The following GLI3 variants were observed in gnomAD, a reference collection of about 807,000 sequenced individuals.
GLI3 encodes transcription activator GLI3.
A neutral mutation model predicts 100.8 loss-of-function variants in GLI3; 20 were observed. The ratio of observed to expected loss-of-function variants is 0.20; its 90% confidence interval spans 0.14 to 0.29. The LOEUF (loss-of-function observed/expected upper bound fraction) is 0.29. Among genes scored for constraint, GLI3 ranks in the 10% least tolerant of loss-of-function variants. The pLI, the probability that GLI3 is intolerant of heterozygous loss-of-function variation, is 1.00. For missense variants in GLI3, 2,040 were observed against 2,128.5 expected (o/e 0.96, Z 0.82); for synonymous variants, 938 against 860.5 (o/e 1.09, Z -1.58).
At chr7:42,262,232 C>A (rs138796304) in intron 1 of GLI3, among the ~76,000 whole-genome samples, 12 of 137,810 alleles carry the variant, frequency 8.7e-5, no homozygotes, top group African/African-American at 1.2e-4. Context: ...TTCTTTCCTT[C>A]CTTCCTTCCT....
chr7:42,258,598 C>T (rs1384682939), intron 1 of GLI3, among the ~76,000 whole-genome samples: 1 of 152,172 alleles, frequency 6.6e-6, no homozygotes, highest in Non-Finnish European at 1.5e-5. Flanking sequence ...GCCTAAGTGG[C>T]TTATACAGAA....
chr7:42,105,973 A>G (rs1785565317), intron 3 of GLI3, among the ~76,000 whole-genome samples: 2 of 152,206 alleles, frequency 1.3e-5, no homozygotes, highest in African/African-American at 4.8e-5. Flanking sequence ...ACATACCTCA[A>G]TGATGAACCT....
At chr7:42,115,264 G>A (rs559149076) in intron 3 of GLI3, among the ~76,000 whole-genome samples, 5 of 149,880 alleles carry the variant, frequency 3.3e-5, no homozygotes, top group Non-Finnish European at 7.4e-5. Context: ...TCAGCCTCCT[G>A]AGTAGCTGGG....
At chr7:42,156,585 A>T (rs1787009392) in intron 2 of GLI3, among the ~76,000 whole-genome samples, 1 of 152,204 alleles carries the variant, frequency 6.6e-6, no homozygotes, top group African/African-American at 2.4e-5. Context: ...CACGGCCAAC[A>T]GTTAAGCAGA....
At chr7:42,262,468 C>T (rs1445903670) in intron 1 of GLI3, among the ~76,000 whole-genome samples, 3 of 152,006 alleles carry the variant, frequency 2.0e-5, no homozygotes, top group Non-Finnish European at 2.9e-5. Flanking sequence ...CCATGTTGCC[C>T]AGGCTTGTCT....
At chr7:42,152,750 A>G (rs1399183973) in intron 2 of GLI3, among the ~76,000 whole-genome samples, 1 of 152,238 alleles carries the variant, frequency 6.6e-6, no homozygotes, top group Non-Finnish European at 1.5e-5. Context: ...AGCTTCAATT[A>G]CAAGACAAAC....
intron 10 of GLI3, among the ~76,000 whole-genome samples, chr7:42,015,462 C>T (rs562254274): frequency 3.3e-5 from 5 of 151,972 alleles, no homozygotes; most frequent in African/African-American, 1.2e-4. Context: ...CCTAAATATC[C>T]CCAAATCTTA....
intron 3 of GLI3, among the ~76,000 whole-genome samples, chr7:42,082,970 C>T (rs1223969868): frequency 6.6e-6 from 1 of 152,156 alleles, no homozygotes; most frequent in African/African-American, 2.4e-5. Context: ...TTGACACAGG[C>T]ATGCAACACA....
intron 3 of GLI3, among the ~76,000 whole-genome samples, chr7:42,119,773 T>G (rs1785950279): frequency 6.6e-6 from 1 of 152,212 alleles, no homozygotes; most frequent in Admixed American, 6.5e-5. Flanking sequence ...CATTCCACAG[T>G]GACACAGGGG....
intron 1 of GLI3, among the ~76,000 whole-genome samples, chr7:42,263,102 C>T (rs572412697): frequency 3.9e-5 from 6 of 152,320 alleles, no homozygotes; most frequent in South Asian, 4.1e-4. Context: ...TGGTGACCCA[C>T]GGCAAAGGCA....
chr7:42,048,380 T>C, intron 5 of GLI3, 111 bp downstream of exon 5: 1 of 809,246 alleles, frequency 1.2e-6, no homozygotes, highest in Non-Finnish European at 2.2e-6. Context: ...GCACAGCGCC[T>C]GGCACATGGG....
chr7:42,177,990 C>T (rs1187595996), intron 2 of GLI3, among the ~76,000 whole-genome samples: 2 of 152,170 alleles, frequency 1.3e-5, no homozygotes, highest in African/African-American at 2.4e-5. Flanking sequence ...AATGGCTTCG[C>T]CTTCATGGAT....
chr7:42,247,045 G>A (rs1192962936), intron 1 of GLI3, among the ~76,000 whole-genome samples: 1 of 152,056 alleles, frequency 6.6e-6, no homozygotes, highest in East Asian at 1.9e-4. Flanking sequence ...TCAAAGTTTA[G>A]AGATAGATGC....
intron 3 of GLI3, among the ~76,000 whole-genome samples, chr7:42,109,242 A>G (rs1785646629): frequency 6.6e-6 from 1 of 152,218 alleles, no homozygotes; most frequent in Non-Finnish European, 1.5e-5. Context: ...GTTAACTGCC[A>G]GCATCCATGA....
At chr7:42,140,140 A>G (rs982613136) in intron 3 of GLI3, among the ~76,000 whole-genome samples, 14 of 152,142 alleles carry the variant, frequency 9.2e-5, no homozygotes, top group Admixed American at 6.5e-5. Flanking sequence ...CCTCTTTCAG[A>G]TATCACCTCC....
intron 10 of GLI3, among the ~76,000 whole-genome samples, chr7:42,009,442 C>T (rs1173077938): frequency 1.3e-5 from 2 of 150,374 alleles, no homozygotes; most frequent in Admixed American, 6.6e-5. Flanking sequence ...AAGTACAGAA[C>T]GATAGTCACC....
chr7:42,065,621 T>A (rs1784658687), intron 4 of GLI3, among the ~76,000 whole-genome samples: 1 of 152,198 alleles, frequency 6.6e-6, no homozygotes, highest in African/African-American at 2.4e-5. Flanking sequence ...GATACTCGAA[T>A]AATTTTGTTT....
In GLI3 at chr7:41,968,071, G is replaced by A. The variant is rs919062857; in HGVS notation, c.2104-148C>T. 2.4e-5 allele frequency: 18 copies of A among 747,686 alleles called. No individual in the cohort carries two copies. In the Admixed American group the frequency reaches 3.5e-4, roughly 15 times the overall value. The allele number at this position is 747,686 out of a possible 1,614,324, so 46.3% of individuals were successfully genotyped here. A position where few individuals can be genotyped will look rare whatever the true frequency, so the allele number is the denominator to read the frequency against. ...AACTATGTTCTGGTGAATGGAGCTG[G>A]CCACTTTTGGCCAGAATGACGGATG... On this transcript the variant is annotated intron_variant, in intron 13 of 14. Transcript: ENST00000395925.
Position 42,048,675 on chromosome 7 carries a change from G to T in GLI3, c.495C>A (p.Ser165Arg). 6.2e-7 allele frequency: 1 copy of T among 1,609,766 alleles called. No individual in the cohort carries two copies. The highest frequency in any genetic ancestry group is 8.5e-7 in the Non-Finnish European group (1 of 1,178,786). Residue 165 changes from serine (S) to arginine (R), a missense_variant, in exon 5 of 15, where the codon AGC becomes AGA. Ser to Arg is a moderately radical substitution (Grantham distance 110). Around this residue, in one of 5 missense-constraint regions of GLI3, gnomAD observed 603 missense variants for 690.9 expected, o/e 0.87. Coordinates refer to ENST00000395925, the MANE Select transcript of GLI3 (RefSeq NM_000168.6). The part of the protein sequence containing the change: ...PLHMTSALSS[S>R]PTYPDLPFIR... The stretch of plus-strand genomic sequence containing the variant: ...TGAAGGGCAGGTCCGGATACGTAGG[G>T]CTACTAGATAAGGCGGAAGTCCTGG...
Sources: allele counts gnomAD v4.1 joint callset (sites outside exome capture counted in the v4.1 genomes callset), GRCh38; gene constraint gnomAD v4.1.1; regional missense constraint gnomAD v4.1.1; transcripts MANE v1.5; gene names NCBI Gene and HGNC (gene_info 2026-07-23, HGNC 2026-07-21).